Variants in MACROD2 observed in about 807,000 individuals in gnomAD.
MACROD2 encodes the protein ADP-ribose glycohydrolase MACROD2.
A neutral mutation model predicts 70.4 loss-of-function variants in MACROD2; 36 were observed. The observed-to-expected ratio is 0.51, with a 90% CI of 0.39 to 0.68. The LOEUF is 0.68. Ranked by LOEUF, MACROD2 falls within the 30% of genes least tolerant of loss-of-function variation. MACROD2 has a pLI of 0.00. For missense variants in MACROD2, 496 were observed against 538.4 expected, an observed-to-expected ratio of 0.92 and a Z score of 0.78; for synonymous variants, 172 against 178.8, an observed-to-expected ratio of 0.96 and a Z score of 0.30.
At chr20:14,138,767 AC>A (rs1381158595) in intron 3 of MACROD2, among the ~76,000 whole-genome samples, 6 of 5,276 alleles carry the variant, frequency 1.1e-3, no homozygotes, top group African/African-American at 3.0e-3. Flanking sequence ...AGTTTTCCAC[AC>A]ACACACACAC....
intron 3 of MACROD2, among the ~76,000 whole-genome samples, chr20:14,161,901 A>G (rs2055196162): frequency 1.3e-5 from 2 of 152,160 alleles, no homozygotes; most frequent in Non-Finnish European, 2.9e-5. Flanking sequence ...CCTGATAGAC[A>G]CTTAAGTTGA....
At chr20:15,924,905 G>A (rs988171695) in intron 10 of MACROD2, among the ~76,000 whole-genome samples, 10 of 152,170 alleles carry the variant, frequency 6.6e-5, no homozygotes, top group African/African-American at 1.7e-4. Context: ...CTAGATTCAG[G>A]AATGTAAAGG....
intron 5 of MACROD2, among the ~76,000 whole-genome samples, chr20:15,043,729 A>C (rs534749941): frequency 2.6e-4 from 39 of 152,232 alleles, no homozygotes; most frequent in Non-Finnish European, 5.1e-4. Flanking sequence ...TTCAGATGCC[A>C]GTCACACATC....
At chr20:14,839,675 G>C (rs1183745323) in intron 5 of MACROD2, among the ~76,000 whole-genome samples, 1 of 152,078 alleles carries the variant, frequency 6.6e-6, no homozygotes, top group African/African-American at 2.4e-5. Flanking sequence ...GATACTGGTG[G>C]ACATTGATCA....
At chr20:14,489,351 C>T (rs933637966) in intron 3 of MACROD2, among the ~76,000 whole-genome samples, 1 of 152,126 alleles carries the variant, frequency 6.6e-6, no homozygotes, top group African/African-American at 2.4e-5. Flanking sequence ...GAGATGGTTG[C>T]TTCCTATATA....
chr20:15,651,084 G>T (rs567802634), intron 8 of MACROD2, among the ~76,000 whole-genome samples: 40 of 152,270 alleles, frequency 2.6e-4, no homozygotes, highest in Non-Finnish European at 4.3e-4. Context: ...ATTTGAAAAT[G>T]GTTGGGTTTT....
intron 4 of MACROD2, chr20:14,494,183 A>T (rs1170225254): frequency 6.6e-6 from 1 of 152,034 alleles, no homozygotes; most frequent in East Asian, 1.9e-4. Flanking sequence ...TAGGAGAGAA[A>T]AAAGTATACG....
At chr20:15,914,406 C>T (rs183982288) in intron 10 of MACROD2, among the ~76,000 whole-genome samples, 3 of 152,272 alleles carry the variant, frequency 2.0e-5, no homozygotes, top group Middle Eastern at 3.4e-3. Context: ...GAACCTAAGG[C>T]AGTTGGGCCA....
intron 5 of MACROD2, among the ~76,000 whole-genome samples, chr20:14,954,519 AT>A (rs2074502789): frequency 7.1e-6 from 1 of 140,344 alleles, no homozygotes; most frequent in Non-Finnish European, 1.5e-5. Flanking sequence ...TATATAATTA[AT>A]ATTATATAAT....
Position 14,326,733 on chromosome 20 carries a change from G to A in MACROD2, c.272-166746G>A. 12 of 1,613,772 alleles carry A rather than the reference G, an allele frequency of 7.4e-6. No individual in the cohort carries two copies. The highest frequency in any genetic ancestry group is 1.0e-5 in the Non-Finnish European group (12 of 1,179,806). On this transcript the variant is annotated intron_variant, in intron 3 of 17. Transcript: ENST00000684519. The surrounding 1 kb of genome is among the most constrained non-coding windows in gnomAD (Gnocchi z 5.5). ...AAGCATTTGGGGGCACCCGATTGAT[G>A]TGGTTATCTTGAAGATAAAGCTTCC...
At chr20:15,914,209 C>T (rs965721629) in intron 10 of MACROD2, among the ~76,000 whole-genome samples, 1 of 152,214 alleles carries the variant, frequency 6.6e-6, no homozygotes, top group Non-Finnish European at 1.5e-5. Context: ...GACAGAGAAT[C>T]GGTCCCAGAA....
At chr20:14,676,397 T>C (rs767255949) in intron 4 of MACROD2, among the ~76,000 whole-genome samples, 5 of 152,152 alleles carry the variant, frequency 3.3e-5, no homozygotes, top group Admixed American at 6.6e-5. Flanking sequence ...AAATTAGAAC[T>C]CAGGATTAAG....
chr20:14,308,964 T>C (rs1182962955), intron 3 of MACROD2, among the ~76,000 whole-genome samples: 3 of 152,180 alleles, frequency 2.0e-5, no homozygotes, highest in Non-Finnish European at 4.4e-5. Flanking sequence ...AGAAAGGATA[T>C]GCATTTTTCA....
chr20:15,372,442 T>C (rs1307296248), intron 6 of MACROD2, among the ~76,000 whole-genome samples: 1 of 152,240 alleles, frequency 6.6e-6, no homozygotes, highest in Non-Finnish European at 1.5e-5. Flanking sequence ...CACTGCTGCT[T>C]TCAAGTGCAT....
chr20:14,966,670 G>C (rs569467320), intron 5 of MACROD2, among the ~76,000 whole-genome samples: 2 of 152,130 alleles, frequency 1.3e-5, no homozygotes, highest in Admixed American at 6.5e-5. Context: ...AGTTTTGCCT[G>C]TTCTTGAACT....
chr20:15,795,910 C>A (rs2063669006), intron 8 of MACROD2, among the ~76,000 whole-genome samples: 1 of 152,192 alleles, frequency 6.6e-6, no homozygotes, highest in African/African-American at 2.4e-5. Flanking sequence ...ACCTCTCACT[C>A]ATAATGCCAC....
At chr20:14,097,867 T>A (rs1452914667) in intron 3 of MACROD2, among the ~76,000 whole-genome samples, 1 of 152,186 alleles carries the variant, frequency 6.6e-6, no homozygotes, top group East Asian at 1.9e-4. Flanking sequence ...AATACTTTTG[T>A]GCAATAAACA....
intron 5 of MACROD2, among the ~76,000 whole-genome samples, chr20:14,871,042 T>G (rs2073482017): frequency 6.6e-6 from 1 of 152,130 alleles, no homozygotes; most frequent in South Asian, 2.1e-4. Context: ...TCCTGAATGG[T>G]ACTGGTATAC....
At chr20:14,363,971 A>T (rs1383766011) in intron 3 of MACROD2, among the ~76,000 whole-genome samples, 1 of 152,142 alleles carries the variant, frequency 6.6e-6, no homozygotes, top group East Asian at 1.9e-4. Context: ...CACTTTTCAA[A>T]ACATAGATGC....
Sources: allele counts gnomAD v4.1 joint callset (sites outside exome capture counted in the v4.1 genomes callset), GRCh38; gene constraint gnomAD v4.1.1; non-coding constraint Gnocchi (gnomAD v3.1); transcripts MANE v1.5; gene names NCBI Gene and HGNC (gene_info 2026-07-23, HGNC 2026-07-21).